Variants in GPD2 observed in about 807,000 individuals in gnomAD.
The protein encoded by GPD2 is glycerol-3-phosphate dehydrogenase 2.
Under a neutral mutation model 82.4 loss-of-function variants are expected in GPD2, and 54 were observed. The ratio of observed to expected loss-of-function variants is 0.66; its 90% CI spans 0.53 to 0.82. The LOEUF is 0.82. GPD2 is among the 40% of genes least tolerant of loss of function. The pLI is 0.00. For missense variants in GPD2, 748 were observed against 896.2 expected (o/e 0.83, Z 2.11); for synonymous variants, 288 against 306.1 (o/e 0.94, Z 0.62).
At chr2:156,578,747 A>G (rs908375566) in intron 13 of GPD2, 142 bp from the exon 14 acceptor site, 22 of 640,864 alleles carry the variant, frequency 3.4e-5, no homozygotes, top group East Asian at 2.5e-4. Context: ...TTATACTTCA[A>G]TGAAACTGGA....
chr2:156,497,055 GT>G (rs776628856), intron 3 of GPD2, among the ~76,000 whole-genome samples: 3 of 152,178 alleles, frequency 2.0e-5, no homozygotes, highest in Non-Finnish European at 2.9e-5. Flanking sequence ...GATATGTTGT[GT>G]TTAATAAAAT....
chr2:156,546,881 T>C (rs1419995204), intron 6 of GPD2, among the ~76,000 whole-genome samples: 2 of 149,840 alleles, frequency 1.3e-5, no homozygotes, highest in African/African-American at 4.9e-5. Context: ...CAAGAGGAAG[T>C]ATTCCATCCC....
At chr2:156,500,631 G>A (rs937815277) in intron 3 of GPD2, among the ~76,000 whole-genome samples, 11 of 152,048 alleles carry the variant, frequency 7.2e-5, no homozygotes, top group African/African-American at 2.4e-5. Flanking sequence ...AAAGTTTTGG[G>A]GGGAACCACT....
At position 156,571,119 on chromosome 2, in the gene GPD2, T is replaced by G; in HGVS notation, c.1609-15T>G. On this transcript the variant is annotated splice_polypyrimidine_tract_variant and intron_variant, in intron 12 of 16. Coordinates refer to ENST00000438166, the MANE Select transcript of GPD2 (RefSeq NM_000408.5). ...AAGAGTCTCAACTAATAATTTTTCT[T>G]TAATTCAAACTCAGGTGAAATATGG... 1 of 1,559,488 alleles carries G rather than the reference T, an allele frequency of 6.4e-7. No individual in the cohort carries two copies. Among genetic ancestry groups the G allele is most frequent in the Non-Finnish European group, 8.8e-7 (1 of 1,130,164 alleles).
chr2:156,573,609 G>T (rs1687716412), intron 13 of GPD2, among the ~76,000 whole-genome samples: 1 of 152,114 alleles, frequency 6.6e-6, no homozygotes, highest in Admixed American at 6.6e-5. Context: ...TAAACTGGTT[G>T]TGTTTGGCCC....
intron 1 of GPD2, among the ~76,000 whole-genome samples, chr2:156,463,825 C>T (rs1313789233): frequency 6.6e-6 from 1 of 151,974 alleles, no homozygotes; most frequent in East Asian, 1.9e-4. Flanking sequence ...TGAGTCGAAC[C>T]CTTTATTTTC....
upstream of GPD2, among the ~76,000 whole-genome samples, chr2:156,431,399 T>C (rs1688315117): frequency 6.6e-6 from 1 of 152,224 alleles, no homozygotes; most frequent in Non-Finnish European, 1.5e-5. Context: ...TTTAAACCTC[T>C]TTATTTGTTT....
At chr2:156,531,539 C>T (rs551027991) in intron 6 of GPD2, among the ~76,000 whole-genome samples, 3 of 152,338 alleles carry the variant, frequency 2.0e-5, no homozygotes. Context: ...AACCAGCTGT[C>T]TGTAGCAAAG....
intron 6 of GPD2, among the ~76,000 whole-genome samples, chr2:156,545,859 A>G (rs200928759): frequency 6.6e-6 from 1 of 152,180 alleles, no homozygotes; most frequent in Non-Finnish European, 1.5e-5. Flanking sequence ...GCTGTCTCCA[A>G]AATATTTATA....
At chr2:156,453,849 C>G (rs931887124) in intron 1 of GPD2, among the ~76,000 whole-genome samples, 2 of 152,032 alleles carry the variant, frequency 1.3e-5, no homozygotes, top group Non-Finnish European at 2.9e-5. Context: ...TTCACTGCAG[C>G]CTGGGTGACA....
At chr2:156,484,696 C>T (rs547730518) in intron 2 of GPD2, among the ~76,000 whole-genome samples, 2 of 151,958 alleles carry the variant, frequency 1.3e-5, no homozygotes, top group Admixed American at 6.5e-5. Flanking sequence ...AAAAATTAGC[C>T]GGGCATGGTG....
chr2:156,557,086 A>T (rs1403153804), intron 8 of GPD2, among the ~76,000 whole-genome samples: 1 of 152,226 alleles, frequency 6.6e-6, no homozygotes, highest in African/African-American at 2.4e-5. Flanking sequence ...AGGAGTATGA[A>T]ACTCAAACAG....
Position 156,579,011 on chromosome 2 carries a change from A to C in GPD2, c.1880+10A>C, listed in dbSNP as rs749552236. On this transcript the variant is annotated intron_variant, in intron 14 of 16. Transcript: ENST00000438166. ...CTTCAGACATTGACAGGTACTTATAATAAGTGTCTATCTATCTCTCTTTTT... is the reference window on the plus strand; with the variant it reads ...CTTCAGACATTGACAGGTACTTATACTAAGTGTCTATCTATCTCTCTTTTT... The C allele has an allele frequency of 1.3e-6, 2 of 1,560,752 alleles. No individual in the cohort carries two copies. Among genetic ancestry groups the C allele is most frequent in the South Asian group, 2.2e-5 (2 of 90,010 alleles).
the GPD2 span, among the ~76,000 whole-genome samples, chr2:156,429,846 T>A: frequency 6.6e-6 from 1 of 152,114 alleles, no homozygotes; most frequent in African/African-American, 2.4e-5. Flanking sequence ...TGAGCTGTTC[T>A]TATCTTAAGA....
At chr2:156,484,594 C>G (rs1167311113) in intron 2 of GPD2, among the ~76,000 whole-genome samples, 1 of 152,018 alleles carries the variant, frequency 6.6e-6, no homozygotes, top group Admixed American at 6.5e-5. Flanking sequence ...AATCCCAGCA[C>G]TTTGGGAGGC....
intron 7 of GPD2, 46 bp from the exon 8 acceptor site, chr2:156,550,556 C>G: frequency 6.3e-7 from 1 of 1,595,418 alleles, no homozygotes; most frequent in South Asian, 1.1e-5. Context: ...CATCCGTTAA[C>G]AGAGAAACAA....
chr2:156,407,191 A>C, the GPD2 span, among the ~76,000 whole-genome samples: 2 of 152,208 alleles, frequency 1.3e-5, no homozygotes, highest in African/African-American at 4.8e-5. Context: ...CAGCCTCAGC[A>C]ACAGATCCCA....
intron 7 of GPD2, 101 bp from the exon 8 acceptor site, chr2:156,550,501 T>A (rs1686715351): frequency 8.6e-7 from 1 of 1,168,450 alleles, no homozygotes; most frequent in Admixed American, 1.7e-5. Context: ...GTATGCAGTA[T>A]ACTTCACCAT....
the GPD2 span, among the ~76,000 whole-genome samples, chr2:156,401,713 A>G: frequency 2.6e-5 from 4 of 152,338 alleles, no homozygotes; most frequent in African/African-American, 9.6e-5. Context: ...TGAAATATTG[A>G]TGATTCAAGC....
Sources: allele counts gnomAD v4.1 joint callset (sites outside exome capture counted in the v4.1 genomes callset), GRCh38; gene constraint gnomAD v4.1.1; transcripts MANE v1.5; gene names NCBI Gene and HGNC (gene_info 2026-07-23, HGNC 2026-07-21).